TRNAU1AP: variants seen among roughly 807,000 people sequenced by gnomAD.
The protein encoded by TRNAU1AP is tRNA selenocysteine 1 associated protein 1, also known as tRNA selenocysteine 1-associated protein 1.
TRNAU1AP carries 33 observed loss-of-function variants against 43.3 expected under a neutral mutation model. The observed-to-expected ratio is 0.76, with a 90% CI of 0.58 to 1.02. TRNAU1AP has a LOEUF of 1.02. Ranked by LOEUF, TRNAU1AP falls within the 50% of genes least tolerant of loss-of-function variation. The probability of loss-of-function intolerance (pLI) is 0.00; values close to 1 mark genes in which losing one functional copy is unlikely to be tolerated. For synonymous variants in TRNAU1AP, 143 were observed against 129.1 expected, an observed-to-expected ratio of 1.11 and a Z score of -0.73; for missense variants, 290 against 362.7, an observed-to-expected ratio of 0.80 and a Z score of 1.63.
intron 5 of TRNAU1AP, among the ~76,000 whole-genome samples, chr1:28,567,018 T>A (rs1235891838): frequency 6.6e-6 from 1 of 152,232 alleles, no homozygotes; most frequent in African/African-American, 2.4e-5. Flanking sequence ...TTTGGGAATG[T>A]TCCCTAGGGG....
chr1:28,575,104 C>A (rs1054070811), intron 8 of TRNAU1AP, among the ~76,000 whole-genome samples: 2 of 152,234 alleles, frequency 1.3e-5, no homozygotes, highest in East Asian at 3.9e-4. Context: ...AGATAATTAG[C>A]CTCATAATAT....
chr1:28,553,379 G>T, intron 1 of TRNAU1AP: 1 of 628,292 alleles, frequency 1.6e-6, no homozygotes, highest in Non-Finnish European at 2.8e-6. Context: ...TGGGGACATA[G>T]AATGGGAGCA....
chr1:28,573,193 C>G (rs1272891247), intron 8 of TRNAU1AP, among the ~76,000 whole-genome samples: 1 of 150,292 alleles, frequency 6.7e-6, no homozygotes, highest in Non-Finnish European at 1.5e-5. Flanking sequence ...GCCACCACGC[C>G]CAGCTAATTT....
At chr1:28,555,753 C>T (rs993457927) in intron 2 of TRNAU1AP, among the ~76,000 whole-genome samples, 14 of 152,052 alleles carry the variant, frequency 9.2e-5, no homozygotes, top group African/African-American at 3.1e-4. Flanking sequence ...ACTGGTAGAT[C>T]GTGCCCACCT....
chr1:28,560,862 T>C lies in TRNAU1AP; in HGVS notation c.225+130T>C, dbSNP rs539800778. Reference sequence around the variant, plus strand: ...CCCTTTACAGTAGGCATTGTTATCTTTGTAGGCCCAGGAAACTGAAGCTCA... The same window carrying C: ...CCCTTTACAGTAGGCATTGTTATCTCTGTAGGCCCAGGAAACTGAAGCTCA... On this transcript the variant is annotated intron_variant, in intron 3 of 8. Transcript: ENST00000373830. 3.2e-4 allele frequency: 291 copies of C among 918,688 alleles called. No individual in the cohort carries two copies. In the African/African-American group the frequency reaches 4.6e-3, roughly 15 times the overall value. 56.9% of individuals were successfully genotyped at this position (918,688 alleles called of 1,614,324 possible).
chr1:28,569,615 C>T (rs1310938077), intron 6 of TRNAU1AP, among the ~76,000 whole-genome samples: 2 of 151,164 alleles, frequency 1.3e-5, no homozygotes, highest in Non-Finnish European at 2.9e-5. Flanking sequence ...TGGCATGAAC[C>T]CAGGAGGCAG....
chr1:28,571,450 AG>A, intron 7 of TRNAU1AP, 112 bp downstream of exon 7: 1 of 1,150,140 alleles, frequency 8.7e-7, no homozygotes, highest in Non-Finnish European at 1.2e-6. Flanking sequence ...CAGAAAAAAT[AG>A]GGAAAGTTGA....
At chr1:28,566,329 A>T (rs1309673340) in intron 5 of TRNAU1AP, among the ~76,000 whole-genome samples, 1 of 150,252 alleles carries the variant, frequency 6.7e-6, no homozygotes, top group African/African-American at 2.4e-5. Context: ...AAAAAAAAAA[A>T]AAGAAGAGCC....
chr1:28,571,786 A>AAAAAAAAAAAATAAAAATAAAATAAAAT, intron 7 of TRNAU1AP, 81 bp from the exon 8 acceptor site: 1 of 1,008,582 alleles, frequency 9.9e-7, no homozygotes, highest in South Asian at 1.3e-5. Flanking sequence ...CCACCTCAAA[A>AAAAAAAAAAAATAAAAATAAAATAAAAT]AAAATAAAAA....
At chr1:28,557,312 C>G (rs956860314) in intron 2 of TRNAU1AP, among the ~76,000 whole-genome samples, 5 of 151,090 alleles carry the variant, frequency 3.3e-5, no homozygotes, top group Admixed American at 6.6e-5. Context: ...CCCAGCTACT[C>G]GGGAGGCTGA....
intron 2 of TRNAU1AP, among the ~76,000 whole-genome samples, chr1:28,556,940 G>C (rs1665277910): frequency 6.6e-6 from 1 of 151,408 alleles, no homozygotes; most frequent in Non-Finnish European, 1.5e-5. Flanking sequence ...GCCTCCCAAA[G>C]TGCTGGGATT....
chr1:28,554,213 C>CA (rs896537013), intron 2 of TRNAU1AP, among the ~76,000 whole-genome samples: 3 of 136,232 alleles, frequency 2.2e-5, no homozygotes, highest in Non-Finnish European at 4.6e-5. Flanking sequence ...AAAAAAAAAA[C>CA]AAAAAAACAA....
At position 28,557,804 on chromosome 1, in the gene TRNAU1AP, G is replaced by A. The variant is rs565122791; in HGVS notation, c.126-2829G>A. Among the ~76,000 whole-genome samples, 6 of 152,030 alleles carry A rather than the reference G, an allele frequency of 3.9e-5. No individual in the cohort carries two copies. In the South Asian group the frequency reaches 1.0e-3, roughly 26 times the overall value. On this transcript the variant is annotated intron_variant, in intron 2 of 8. Coordinates refer to ENST00000373830, the MANE Select transcript of TRNAU1AP (RefSeq NM_017846.5). Reference sequence around the variant, plus strand: ...GGTTTTCACCATGTTGGCCAGGATAGTCTCGATCTCTTGACCTCGTGATCC... The same window carrying A: ...GGTTTTCACCATGTTGGCCAGGATAATCTCGATCTCTTGACCTCGTGATCC...
At chr1:28,564,928 A>G (rs1665504204) in intron 5 of TRNAU1AP, 94 bp downstream of exon 5, 1 of 1,500,210 alleles carries the variant, frequency 6.7e-7, no homozygotes, top group Admixed American at 1.8e-5. Flanking sequence ...CAGCATGGCG[A>G]TTAAGACCAC....
At chr1:28,559,874 G>A (rs909445814) in intron 2 of TRNAU1AP, among the ~76,000 whole-genome samples, 1 of 152,150 alleles carries the variant, frequency 6.6e-6, no homozygotes, top group Admixed American at 6.6e-5. Context: ...GCTCATGCCT[G>A]TAATCCCGGA....
chr1:28,555,936 C>T (rs914106815), intron 2 of TRNAU1AP, among the ~76,000 whole-genome samples: 1 of 151,454 alleles, frequency 6.6e-6, no homozygotes, highest in Non-Finnish European at 1.5e-5. Flanking sequence ...TCACTGCAAG[C>T]TCCACCTCCT....
At chr1:28,571,806 A>G (rs1665667990) in intron 7 of TRNAU1AP, 61 bp from the exon 8 acceptor site, 4 of 1,298,278 alleles carry the variant, frequency 3.1e-6, no homozygotes, top group Non-Finnish European at 4.3e-6. Context: ...AATATAAGCC[A>G]CTGTGGTCCT....
intron 2 of TRNAU1AP, 178 bp downstream of exon 2, chr1:28,553,915 T>A (rs188994523): frequency 1.7e-6 from 1 of 592,828 alleles, no homozygotes; most frequent in East Asian, 3.1e-5. Context: ...AGGGTAGGAC[T>A]TGCCAGGCGT....
chr1:28,553,090 G>A lies in TRNAU1AP; in HGVS notation c.-21G>A, dbSNP rs992666742. 1.3e-6 allele frequency: 2 copies of A among 1,524,914 alleles called. No homozygotes were observed. The highest frequency in any genetic ancestry group is 1.8e-6 in the Non-Finnish European group (2 of 1,135,308). 94.5% of individuals were successfully genotyped at this position (1,524,914 alleles called of 1,614,324 possible). ...CCGCCCGCAGAGCCCCGCCCGCAAA[G>A]CCCCACCCCGGTGCGCGGGTATGGC... On this transcript the variant is annotated 5_prime_UTR_variant, in exon 1 of 9. Transcript: ENST00000373830.
Sources: allele counts gnomAD v4.1 joint callset (sites outside exome capture counted in the v4.1 genomes callset), GRCh38; gene constraint gnomAD v4.1.1; transcripts MANE v1.5; gene names NCBI Gene and HGNC (gene_info 2026-07-23, HGNC 2026-07-21).